The following CKMT2 variants were observed in gnomAD, a reference collection of about 807,000 sequenced individuals.
CKMT2 encodes creatine kinase, mitochondrial 2, also known as creatine kinase S-type, mitochondrial.
A neutral mutation model predicts 48.9 loss-of-function variants in CKMT2; 43 were observed. The observed-to-expected ratio is 0.88, with a 90% confidence interval of 0.69 to 1.13. The LOEUF is 1.13. Among genes scored for constraint, CKMT2 ranks in the 50% most tolerant of loss-of-function variants. The pLI, the probability that CKMT2 is intolerant of heterozygous loss-of-function variation, is 0.00. For missense variants in CKMT2, 472 were observed against 555.4 expected (o/e 0.85, Z 1.51); for synonymous variants, 206 against 213.0 (o/e 0.97, Z 0.29).
chr5:81,257,850 A>AT lies in CKMT2; in HGVS notation c.873_874insT (p.Lys292Ter), dbSNP rs761657707. 1.0e-4 allele frequency: 169 copies of AT among 1,611,236 alleles called. No individual in the cohort carries two copies. The highest frequency in any genetic ancestry group is 1.3e-4 in the Non-Finnish European group (159 of 1,178,700). On this transcript the variant is annotated frameshift_variant, in exon 7 of 10. Transcript: ENST00000254035. LOFTEE classifies it high-confidence loss of function. ...TATTTGAGCGATTCTGTCGTGGACT[A>AT]AAAGAAGTAAGATGTTATCTGAGAT...
chr5:81,257,182 G>GTC (rs1429761269), intron 6 of CKMT2, among the ~76,000 whole-genome samples, 182 bp downstream of exon 6: 1 of 141,720 alleles, frequency 7.1e-6, no homozygotes, highest in Non-Finnish European at 1.5e-5. Flanking sequence ...GTGTGTGTGT[G>GTC]TCTAAGCATT....
At chr5:81,234,184 C>T (rs1397047108) in intron 1 of CKMT2, among the ~76,000 whole-genome samples, 4 of 152,040 alleles carry the variant, frequency 2.6e-5, no homozygotes, top group Non-Finnish European at 4.4e-5. Context: ...TGCTCTCCTC[C>T]GAATGTGAGG....
Position 81,254,773 on chromosome 5 carries a change from A to G in CKMT2, c.448-220A>G. 5.0e-6 allele frequency: 3 copies of G among 600,924 alleles called. No individual in the cohort carries two copies. The South Asian group carries it at 6.2e-5, about 12-fold the overall frequency. The allele number at this position is 600,924 out of a possible 1,614,324, so 37.2% of individuals were successfully genotyped here. A position where few individuals can be genotyped will look rare whatever the true frequency, so the allele number is the denominator to read the frequency against. ...CATCCCAAACCACCCAGTGACGGTC[A>G]AGGACCCCAGACCACGCTATATAAA... On this transcript the variant is annotated intron_variant, in intron 4 of 9. Transcript: ENST00000254035.
chr5:81,266,169 G>A lies in CKMT2; in HGVS notation c.1171G>A (p.Val391Ile). Residue 391 changes from valine (V) to isoleucine (I), a missense_variant, in exon 10 of 10, where the codon GTC becomes ATC. By Grantham distance (29) the Val-to-Ile change is conservative (BLOSUM62 3). Coordinates refer to ENST00000254035, the MANE Select transcript of CKMT2 (RefSeq NM_001099735.2). The stretch of plus-strand genomic sequence containing the variant: ...GCTTGTTCAGATAGTCATCGATGGA[G>A]TCAATTACCTGGTGGATTGTGAAAA... ...VELVQIVIDGVNYLVDCEKKL... is the reference protein window; with the variant it reads ...VELVQIVIDGINYLVDCEKKL... 1 of 1,612,772 alleles carries A rather than the reference G, an allele frequency of 6.2e-7. No homozygotes were observed. The highest frequency in any genetic ancestry group is 8.5e-7 in the Non-Finnish European group (1 of 1,178,820).
At chr5:81,265,993 TCTGCCTTCCATTTCTGAGAAGGAAGG>T in intron 9 of CKMT2, 120 bp from the exon 10 acceptor site, 1 of 650,794 alleles carries the variant, frequency 1.5e-6, no homozygotes, top group Non-Finnish European at 2.6e-6. Context: ...CCCTTATATC[TCTGCCTTCCATTTCTGAGAAGGAAGG>T]AATTGTTGTG....
chr5:81,256,939 G>C lies in CKMT2; in HGVS notation c.694G>C (p.Val232Leu), dbSNP rs150350095. ...GGACCACTTTCTGTTTGATAAGCCA[G>C]TGTCCCCTTTATTAACATGTGCTGG... ...IDDHFLFDKP[V>L]SPLLTCAGMA... Residue 232 changes from valine to leucine, a missense_variant, in exon 6 of 10, where the codon GTG becomes CTG. Val to Leu is a conservative substitution (Grantham distance 32, BLOSUM62 1). Transcript: ENST00000254035. The C allele has an allele frequency of 6.2e-6, 10 of 1,613,938 alleles. 1 individual carries two copies. Among genetic ancestry groups the C allele is most frequent in the Non-Finnish European group, 8.5e-6 (10 of 1,179,958 alleles).
chr5:81,256,901 CT>C lies in CKMT2; in HGVS notation c.670-10del. 1.2e-6 allele frequency: 2 copies of C among 1,604,238 alleles called. No individual in the cohort carries two copies. Among genetic ancestry groups the C allele is most frequent in the Non-Finnish European group, 1.7e-6 (2 of 1,171,994 alleles). On this transcript the variant is annotated splice_polypyrimidine_tract_variant and intron_variant, in intron 5 of 9. Coordinates refer to ENST00000254035, the MANE Select transcript of CKMT2 (RefSeq NM_001099735.2). Reference sequence around the variant, plus strand: ...TCAGTCTCTCCTCTCTGCTTTATCCCTTTTGGCCTACAGGACCACTTTCTGT... The same window carrying C: ...TCAGTCTCTCCTCTCTGCTTTATCCCTTTGGCCTACAGGACCACTTTCTGT...
At chr5:81,256,787 A>G (rs1397461268) in intron 5 of CKMT2, 128 bp from the exon 6 acceptor site, 2 of 602,572 alleles carry the variant, frequency 3.3e-6, no homozygotes, top group Non-Finnish European at 5.9e-6. Flanking sequence ...GTGGGCAGCC[A>G]AAGCTAAGAA....
chr5:81,236,727 GA>G (rs1278278389), intron 1 of CKMT2, among the ~76,000 whole-genome samples: 1 of 152,154 alleles, frequency 6.6e-6, no homozygotes, highest in Non-Finnish European at 1.5e-5. Flanking sequence ...GAGTCTGGAA[GA>G]AGAACTGGGG....
At chr5:81,248,747 G>A (rs573077756) in intron 1 of CKMT2, among the ~76,000 whole-genome samples, 1 of 152,248 alleles carries the variant, frequency 6.6e-6, no homozygotes, top group East Asian at 1.9e-4. Flanking sequence ...TGATTTCCTG[G>A]GCTATCCTGT....
intron 1 of CKMT2, chr5:81,239,187 T>C (rs1180636974): frequency 6.6e-6 from 1 of 152,220 alleles, no homozygotes; most frequent in Non-Finnish European, 1.5e-5. Context: ...AACCGTGGGT[T>C]TCCTTGAGGC....
At chr5:81,262,626 C>A (rs898084045) in intron 8 of CKMT2, among the ~76,000 whole-genome samples, 2 of 151,978 alleles carry the variant, frequency 1.3e-5, no homozygotes, top group South Asian at 4.2e-4. Context: ...AAAACCACAC[C>A]GAGATACCAT....
intron 1 of CKMT2, among the ~76,000 whole-genome samples, chr5:81,240,602 T>C (rs976206612): frequency 5.3e-5 from 8 of 152,210 alleles, no homozygotes; most frequent in Non-Finnish European, 7.3e-5. Flanking sequence ...AATATTTGTA[T>C]GGTAAACTAT....
chr5:81,254,975 C>A lies in CKMT2; in HGVS notation c.448-18C>A. On this transcript the variant is annotated intron_variant, in intron 4 of 9. Transcript: ENST00000254035. ...TGGTCCGAGGCTGGCCACAGTGACCCCACAGTCTGCTTGGCAGATCACCCA... is the reference window on the plus strand; with the variant it reads ...TGGTCCGAGGCTGGCCACAGTGACCACACAGTCTGCTTGGCAGATCACCCA... 2 of 1,609,848 alleles carry A rather than the reference C, an allele frequency of 1.2e-6. No homozygotes were observed. Among genetic ancestry groups the A allele is most frequent in the South Asian group, 1.1e-5 (1 of 90,974 alleles).
chr5:81,251,563 G>A (rs1203743120), intron 2 of CKMT2, among the ~76,000 whole-genome samples: 1 of 152,072 alleles, frequency 6.6e-6, no homozygotes, highest in Non-Finnish European at 1.5e-5. Context: ...ACTCCAGCCT[G>A]GCAACAGAGC....
intron 1 of CKMT2, chr5:81,244,258 T>TTGCC: frequency 1.1e-6 from 1 of 888,152 alleles, no homozygotes; most frequent in Non-Finnish European, 1.3e-6. Flanking sequence ...CAAGATATAA[T>TTGCC]TGCCTGCCTC....
At chr5:81,257,639 G>A in intron 6 of CKMT2, 94 bp from the exon 7 acceptor site, 5 of 1,119,400 alleles carry the variant, frequency 4.5e-6, no homozygotes, top group Non-Finnish European at 5.1e-6. Flanking sequence ...TGAGGAAGGT[G>A]AAATGAAGCA....
chr5:81,245,105 C>A (rs555412477), intron 1 of CKMT2: 101 of 152,280 alleles, frequency 6.6e-4, no homozygotes, highest in African/African-American at 2.3e-3. Flanking sequence ...CCTGGTACAG[C>A]ATCTGTGACA....
chr5:81,258,012 G>A lies in CKMT2; in HGVS notation c.879+156G>A, dbSNP rs151132036. 3.1e-5 allele frequency: 19 copies of A among 606,104 alleles called. 1 individual carries two copies. The highest frequency in any genetic ancestry group is 1.9e-4 in the East Asian group (6 of 31,414). 37.5% of individuals were successfully genotyped at this position (606,104 alleles called of 1,614,324 possible). A position where few individuals can be genotyped will look rare whatever the true frequency, so the allele number is the denominator to read the frequency against. On this transcript the variant is annotated intron_variant, in intron 7 of 9. Transcript: ENST00000254035. ...CCTCCCAGGTTCAAGTGATTATCCC[G>A]CCTCAGCCTCTAGAGTAGCTGGGAT... is the stretch of plus-strand genomic sequence containing the variant.
Sources: gnomAD v4.1 joint callset for allele counts (sites outside exome capture counted in the v4.1 genomes callset) on GRCh38, gnomAD v4.1.1 for gene constraint, MANE v1.5 for transcripts, NCBI Gene and HGNC (gene_info 2026-07-23, HGNC 2026-07-21) for gene names.